RBFOX1: variants seen among roughly 807,000 people sequenced by gnomAD.
RBFOX1 encodes the protein RNA binding fox-1 homolog 1.
Under a neutral mutation model 57.7 loss-of-function variants are expected in RBFOX1, and 8 were observed. That is an observed-to-expected ratio of 0.14 (90% CI 0.08 to 0.25). The LOEUF (loss-of-function observed/expected upper bound fraction) is 0.25, where lower values mean the gene tolerates loss of function less well. Among genes scored for constraint, RBFOX1 ranks in the 10% least tolerant of loss-of-function variants. The probability of loss-of-function intolerance (pLI) is 1.00; values close to 1 mark genes in which losing one functional copy is unlikely to be tolerated. For missense variants in RBFOX1, 611 were observed against 548.5 expected (o/e 1.11, Z -1.14); for synonymous variants, 326 against 222.4 (o/e 1.47, Z -4.15).
chr16:7,105,347 T>C (rs978765598), intron 4 of RBFOX1, among the ~76,000 whole-genome samples: 11 of 151,494 alleles, frequency 7.3e-5, no homozygotes, highest in Non-Finnish European at 1.2e-4. Flanking sequence ...TTTATTTTCA[T>C]AGGTTTCGGG....
chr16:7,638,453 C>T (rs2062154478), intron 11 of RBFOX1, among the ~76,000 whole-genome samples: 1 of 152,128 alleles, frequency 6.6e-6, no homozygotes, highest in African/African-American at 2.4e-5. Context: ...GGATGGACTC[C>T]AAGAAATGGC....
intron 4 of RBFOX1, among the ~76,000 whole-genome samples, chr16:7,497,928 C>T (rs560568115): frequency 1.3e-5 from 2 of 152,264 alleles, no homozygotes; most frequent in South Asian, 2.1e-4. Context: ...CAGAAAGCTG[C>T]CCAGTATAAA....
intron 14 of RBFOX1, among the ~76,000 whole-genome samples, chr16:7,704,159 T>C (rs549595713): frequency 1.3e-5 from 2 of 152,304 alleles, no homozygotes; most frequent in East Asian, 1.9e-4. Context: ...AACTCAAACC[T>C]GGATCTTTTT....
intron 3 of RBFOX1, among the ~76,000 whole-genome samples, chr16:5,784,127 A>G (rs1448699175): frequency 6.6e-6 from 1 of 152,158 alleles, no homozygotes; most frequent in African/African-American, 2.4e-5. Flanking sequence ...CAGAAGGTGA[A>G]GAGGAAGCAG....
In RBFOX1 at chr16:7,336,822, G is replaced by A. The variant is rs148008197; in HGVS notation, c.28-181325G>A. 9.0e-4 allele frequency among the ~76,000 whole-genome samples: 137 copies of A among 152,300 alleles called. 1 individual carries two copies. In the East Asian group the frequency reaches 0.024, roughly 27 times the overall value. On this transcript the variant is annotated intron_variant, in intron 4 of 15. Coordinates refer to ENST00000550418, the MANE Select transcript of RBFOX1 (RefSeq NM_018723.4). ...CTCTGAAAATCAATTTCTTTTGGAA[G>A]TTGGGCACCAAAGCTCATTTAGGAA... is the stretch of plus-strand genomic sequence containing the variant.
intron 3 of RBFOX1, among the ~76,000 whole-genome samples, chr16:5,730,488 T>TC (rs1168863924): frequency 6.6e-6 from 1 of 152,188 alleles, no homozygotes; most frequent in Non-Finnish European, 1.5e-5. Flanking sequence ...CCTATCAGTG[T>TC]CCAAGATTTG....
chr16:5,337,531 C>G (rs764956162), intron 1 of RBFOX1, among the ~76,000 whole-genome samples: 11 of 152,278 alleles, frequency 7.2e-5, no homozygotes, highest in African/African-American at 2.4e-4. Context: ...TGTCAGTTTT[C>G]TTGTATTCCT....
At chr16:5,296,508 G>A (rs551838140) in intron 1 of RBFOX1, among the ~76,000 whole-genome samples, 1 of 151,888 alleles carries the variant, frequency 6.6e-6, no homozygotes, top group East Asian at 1.9e-4. Flanking sequence ...AAAAGTCAAC[G>A]AGACAAATCC....
intron 3 of RBFOX1, among the ~76,000 whole-genome samples, chr16:7,037,649 A>G (rs1175383158): frequency 1.3e-5 from 2 of 152,212 alleles, no homozygotes; most frequent in East Asian, 3.9e-4. Context: ...CACTCTTCTA[A>G]TTGCTTTGCA....
rs113556013 is a variant in RBFOX1, at chr16:5,446,513, T to A, written c.220-20703T>A. On this transcript the variant is annotated intron_variant, in intron 1 of 2. Coordinates refer to the RBFOX1 transcript ENST00000585867. ...CTCCCTAAATGGTCCTCTGGATATA[T>A]TTGTATTTCTGGGGAGATCAACACC... Among the ~76,000 whole-genome samples the A allele has an allele frequency of 7.7e-3, 1,169 of 151,740 alleles. 19 individuals carry two copies. Among genetic ancestry groups the A allele is most frequent in the African/African-American group, 0.026 (1,091 of 41,404 alleles).
intron 3 of RBFOX1, among the ~76,000 whole-genome samples, chr16:6,958,172 G>T (rs2082257064): frequency 6.6e-6 from 1 of 152,176 alleles, no homozygotes. Context: ...AACTTAATAT[G>T]GGAGGGCTGC....
At chr16:6,103,073 G>T (rs898359859) in intron 1 of RBFOX1, among the ~76,000 whole-genome samples, 1 of 152,212 alleles carries the variant, frequency 6.6e-6, no homozygotes, top group Non-Finnish European at 1.5e-5. Context: ...ATCGAAGTTG[G>T]ACACTTGTTG....
intron 3 of RBFOX1, among the ~76,000 whole-genome samples, chr16:6,937,391 T>A (rs1040940397): frequency 6.6e-6 from 1 of 152,022 alleles, no homozygotes; most frequent in Non-Finnish European, 1.5e-5. Flanking sequence ...GAAAGTCTTA[T>A]TAATGTAGAC....
At chr16:5,399,441 A>G (rs1440146284) in intron 1 of RBFOX1, among the ~76,000 whole-genome samples, 1 of 152,236 alleles carries the variant, frequency 6.6e-6, no homozygotes, top group Non-Finnish European at 1.5e-5. Context: ...TAAAGGAGAA[A>G]GTAAGAATTG....
At chr16:6,360,912 C>T (rs2088363185) in intron 2 of RBFOX1, among the ~76,000 whole-genome samples, 2 of 151,650 alleles carry the variant, frequency 1.3e-5, no homozygotes, top group Admixed American at 6.6e-5. Context: ...AGCCGAAGAC[C>T]GTTATCTTTA....
intron 1 of RBFOX1, among the ~76,000 whole-genome samples, chr16:5,351,408 A>G (rs1447854330): frequency 6.6e-6 from 1 of 152,176 alleles, no homozygotes; most frequent in Non-Finnish European, 1.5e-5. Flanking sequence ...TTAGGGGCAC[A>G]TGGCTAGTGG....
At chr16:7,021,541 AAT>A (rs1242783608) in intron 3 of RBFOX1, among the ~76,000 whole-genome samples, 1 of 145,460 alleles carries the variant, frequency 6.9e-6, no homozygotes, top group Non-Finnish European at 1.5e-5. Context: ...AATTTTATAA[AAT>A]TTTTATATTT....
chr16:7,658,662 G>A (rs1198301328), intron 12 of RBFOX1, among the ~76,000 whole-genome samples: 1 of 152,138 alleles, frequency 6.6e-6, no homozygotes, highest in East Asian at 1.9e-4. Flanking sequence ...AGAGGAACTC[G>A]ATGAGTACCT....
chr16:6,034,143 T>G (rs569267883), intron 1 of RBFOX1, among the ~76,000 whole-genome samples: 1 of 151,910 alleles, frequency 6.6e-6, no homozygotes, highest in South Asian at 2.1e-4. Context: ...AAGACCTGCC[T>G]GGCCAACTTA....
Sources: gnomAD v4.1 joint callset for allele counts (sites outside exome capture counted in the v4.1 genomes callset) on GRCh38, gnomAD v4.1.1 for gene constraint, MANE v1.5 for transcripts, NCBI Gene and HGNC (gene_info 2026-07-23, HGNC 2026-07-21) for gene names.